DACH2: variants seen among roughly 807,000 people sequenced by gnomAD.
DACH2 encodes dachshund homolog 2.
A neutral mutation model predicts 35.8 loss-of-function variants in DACH2; 17 were observed. That is an observed-to-expected ratio of 0.48 (90% CI 0.33 to 0.71). The LOEUF (loss-of-function observed/expected upper bound fraction) is 0.71, where lower values mean the gene tolerates loss of function less well. DACH2 is among the 30% of genes least tolerant of loss of function. The pLI is 0.02. For synonymous variants in DACH2, 195 were observed against 177.3 expected (o/e 1.10, Z -0.79); for missense variants, 469 against 472.7 (o/e 0.99, Z 0.07).
intron 3 of DACH2, among the ~76,000 whole-genome samples, chrX:86,581,988 T>C (rs1471197433): frequency 9.0e-6 from 1 of 111,573 alleles, no homozygotes; most frequent in Non-Finnish European, 1.9e-5. Context: ...CTCATCCAGT[T>C]CAAAACAGAA....
chrX:86,627,042 A>G (rs773564379), intron 3 of DACH2, among the ~76,000 whole-genome samples: 26 of 112,576 alleles, frequency 2.3e-4, no homozygotes, highest in Admixed American at 2.3e-3. Flanking sequence ...TCAGGCTGCA[A>G]TTTTGTTAAA....
chrX:86,296,368 G>A (rs1246073587), intron 1 of DACH2, among the ~76,000 whole-genome samples: 1 of 83,111 alleles, frequency 1.2e-5, no homozygotes, highest in Non-Finnish European at 2.2e-5. Context: ...GCCACAGAGC[G>A]AGACTCCATC....
chrX:86,612,354 G>A (rs2039956311), intron 3 of DACH2, among the ~76,000 whole-genome samples: 1 of 109,471 alleles, frequency 9.1e-6, no homozygotes, highest in South Asian at 3.9e-4. Context: ...TCCTCAGCTG[G>A]CCCACACAGG....
chrX:86,535,407 C>T (rs1263563934), intron 3 of DACH2, among the ~76,000 whole-genome samples: 1 of 111,712 alleles, frequency 9.0e-6, no homozygotes, highest in East Asian at 2.8e-4. Context: ...GAATAGACTC[C>T]TCTCTTGGCC....
intron 1 of DACH2, among the ~76,000 whole-genome samples, chrX:86,299,103 A>G (rs2034523754): frequency 8.9e-6 from 1 of 112,267 alleles, no homozygotes; most frequent in Non-Finnish European, 1.9e-5. Context: ...CTCTGTCAAC[A>G]TCTTTCTTTT....
At chrX:86,712,055 G>A (rs2041285313) in intron 5 of DACH2, among the ~76,000 whole-genome samples, 2 of 111,451 alleles carry the variant, frequency 1.8e-5, no homozygotes, top group Non-Finnish European at 3.8e-5. Context: ...TAGGAGCACT[G>A]ATGGCTACTT....
chrX:86,620,878 C>T lies in DACH2; in HGVS notation c.641-30158C>T, dbSNP rs183625304. Among the ~76,000 whole-genome samples the T allele has an allele frequency of 1.6e-3, 177 of 110,656 alleles. 1 individual carries two copies. Among genetic ancestry groups the T allele is most frequent in the Non-Finnish European group, 2.7e-3 (145 of 52,893 alleles). ...ACAAGTAGATTCGAGAGGATCTCTG[C>T]TTCTGGGAAGTTCTCTGTTTTCAGT... On this transcript the variant is annotated intron_variant, in intron 3 of 11. Transcript: ENST00000373125.
At chrX:86,257,796 TA>T (rs1051335849) in intron 1 of DACH2, among the ~76,000 whole-genome samples, 2 of 112,302 alleles carry the variant, frequency 1.8e-5, no homozygotes, top group African/African-American at 6.5e-5. Context: ...AATAACTATA[TA>T]AAAATATTGT....
chrX:86,212,856 T>A (rs1259043193), intron 1 of DACH2, among the ~76,000 whole-genome samples: 1 of 111,175 alleles, frequency 9.0e-6, no homozygotes, highest in East Asian at 2.8e-4. Context: ...ATGGTTAAAA[T>A]TGCAGTCTAT....
chrX:86,278,805 G>A (rs2033967346), intron 1 of DACH2, among the ~76,000 whole-genome samples: 1 of 111,651 alleles, frequency 9.0e-6, no homozygotes, highest in African/African-American at 3.3e-5. Flanking sequence ...TGAAATTCTC[G>A]CTGCCAGCAC....
intron 1 of DACH2, among the ~76,000 whole-genome samples, chrX:86,264,137 C>A (rs1448798128): frequency 8.9e-6 from 1 of 111,753 alleles, no homozygotes; most frequent in South Asian, 3.7e-4. Flanking sequence ...TAAAATATTT[C>A]TCTGAATTAG....
intron 3 of DACH2, among the ~76,000 whole-genome samples, chrX:86,620,797 C>CAAAA: frequency 1.1e-5 from 1 of 91,310 alleles, no homozygotes; most frequent in Non-Finnish European, 2.2e-5. Flanking sequence ...GCAAATAAAA[C>CAAAA]AAAAAAAAAA....
intron 1 of DACH2, among the ~76,000 whole-genome samples, chrX:86,214,577 T>C (rs747266092): frequency 1.8e-5 from 2 of 112,091 alleles, no homozygotes; most frequent in East Asian, 5.6e-4. Flanking sequence ...GCTTAAACAG[T>C]GTTCTATCAC....
At position 86,334,266 on chromosome X, in the gene DACH2, C is replaced by T. The variant is rs779544129; in HGVS notation, c.489-42558C>T. 8.9e-5 allele frequency among the ~76,000 whole-genome samples: 10 copies of T among 111,951 alleles called. No individual in the cohort carries two copies. The East Asian group carries it at 2.8e-3, about 32-fold the overall frequency. The stretch of plus-strand genomic sequence containing the variant: ...AATAATTTATAATCCATTGGGTCTA[C>T]ACCCAGTAATGGGATTGCTGGGTCA... On this transcript the variant is annotated intron_variant, in intron 1 of 11. Transcript: ENST00000373125.
At chrX:86,325,145 C>T (rs899038960) in intron 1 of DACH2, among the ~76,000 whole-genome samples, 10 of 111,249 alleles carry the variant, frequency 9.0e-5, no homozygotes, top group African/African-American at 3.3e-4. Flanking sequence ...TTTGTGGTGG[C>T]CTGAAACCCA....
intron 2 of DACH2, among the ~76,000 whole-genome samples, chrX:86,485,052 A>AT (rs951413271): frequency 9.0e-6 from 1 of 111,655 alleles, no homozygotes; most frequent in Non-Finnish European, 1.9e-5. Context: ...CTGCATGTGT[A>AT]TTTTTTTGTG....
intron 4 of DACH2, among the ~76,000 whole-genome samples, chrX:86,659,017 T>C (rs1602749057): frequency 9.0e-6 from 1 of 111,084 alleles, no homozygotes; most frequent in African/African-American, 3.3e-5. Flanking sequence ...AGAATCAAAG[T>C]GTATATGGTT....
intron 5 of DACH2, among the ~76,000 whole-genome samples, chrX:86,709,303 G>A (rs2041252981): frequency 1.8e-5 from 2 of 111,803 alleles, no homozygotes; most frequent in South Asian, 7.4e-4. Context: ...CAATTCAATA[G>A]AAAGATCATA....
rs777678227 is a variant in DACH2, at chrX:86,375,546, G to A, written c.489-1278G>A. Among the ~76,000 whole-genome samples, 154 of 106,346 alleles carry A rather than the reference G, an allele frequency of 1.4e-3. 1 individual carries two copies. Among genetic ancestry groups the A allele is most frequent in the African/African-American group, 5.0e-3 (148 of 29,486 alleles). The allele number at this position is 106,346 out of a possible 115,157, so 92.3% of individuals were successfully genotyped here. ...ATATATAGCCCATTAAAATAAGGAA[G>A]GATGCATTATCACTGACTTGGTGTG... On this transcript the variant is annotated intron_variant, in intron 1 of 11. Transcript: ENST00000373125.
Sources: allele counts gnomAD v4.1 joint callset (sites outside exome capture counted in the v4.1 genomes callset), GRCh38; gene constraint gnomAD v4.1.1; transcripts MANE v1.5; gene names NCBI Gene and HGNC (gene_info 2026-07-23, HGNC 2026-07-21).